DPP4: variants seen among roughly 807,000 people sequenced by gnomAD.
The protein encoded by DPP4 is ADCP-2.
A neutral mutation model predicts 122.4 loss-of-function variants in DPP4; 93 were observed. The ratio of observed to expected loss-of-function variants is 0.76; its 90% CI spans 0.64 to 0.90. The LOEUF (loss-of-function observed/expected upper bound fraction) is 0.90, where lower values mean the gene tolerates loss of function less well. DPP4 is among the 40% of genes least tolerant of loss of function. The pLI is 0.00. For missense variants in DPP4, 914 were observed against 907.3 expected, an observed-to-expected ratio of 1.01 and a Z score of -0.09; for synonymous variants, 321 against 302.9, an observed-to-expected ratio of 1.06 and a Z score of -0.62.
chr2:162,019,595 AC>A (rs1683048055), intron 14 of DPP4, among the ~76,000 whole-genome samples: 1 of 151,318 alleles, frequency 6.6e-6, no homozygotes, highest in Non-Finnish European at 1.5e-5. Context: ...TGAAATTGAG[AC>A]CCCACTCATT....
intron 7 of DPP4, 51 bp downstream of exon 7, chr2:162,038,898 T>C (rs764395941): frequency 1.3e-6 from 2 of 1,528,042 alleles, no homozygotes; most frequent in African/African-American, 1.4e-5. Context: ...AACTTCTGCC[T>C]ATGAAAAATT....
At chr2:162,020,105 A>C (rs1683067295) in intron 14 of DPP4, 124 bp downstream of exon 14, 5 of 791,454 alleles carry the variant, frequency 6.3e-6, no homozygotes, top group Non-Finnish European at 1.0e-5. Context: ...AAAAGAAAAA[A>C]AGTATTGAAC....
intron 2 of DPP4, among the ~76,000 whole-genome samples, chr2:162,069,214 G>C (rs149451706): frequency 1.1e-3 from 169 of 152,276 alleles, no homozygotes; most frequent in African/African-American, 3.8e-3. Context: ...TCAAAGAGTT[G>C]TTCTAAGGAT....
At chr2:162,041,069 CAG>C (rs34315066) in intron 5 of DPP4, among the ~76,000 whole-genome samples, 49,219 of 151,456 alleles carry the variant, frequency 0.32, 8,441 homozygotes, top group East Asian at 0.65. Flanking sequence ...TATATATTTT[CAG>C]AGTTATATGA....
At chr2:162,034,498 A>T (rs569017407) in intron 9 of DPP4, among the ~76,000 whole-genome samples, 1 of 152,142 alleles carries the variant, frequency 6.6e-6, no homozygotes, top group Non-Finnish European at 1.5e-5. Context: ...CAGAAAAAAC[A>T]CTTTACTATT....
In DPP4 at chr2:162,016,869, A is replaced by G; in HGVS notation, c.1469-3T>C. Reference sequence around the variant, plus strand: ...ATTGTCTTCCAGGACTCTCAGCCCTAAAGAAATACAGGAGACAGCAGTCAT... The same window carrying G: ...ATTGTCTTCCAGGACTCTCAGCCCTGAAGAAATACAGGAGACAGCAGTCAT... On this transcript the variant is annotated splice_polypyrimidine_tract_variant and splice_region_variant and intron_variant, in intron 17 of 25. Coordinates refer to ENST00000360534, the MANE Select transcript of DPP4 (RefSeq NM_001935.4). The G allele has an allele frequency of 1.2e-6, 2 of 1,608,250 alleles. No individual in the cohort carries two copies. Among genetic ancestry groups the G allele is most frequent in the Non-Finnish European group, 1.7e-6 (2 of 1,178,094 alleles).
At chr2:162,020,780 G>A (rs746862830) in intron 12 of DPP4, 92 bp from the exon 13 acceptor site, 3 of 747,378 alleles carry the variant, frequency 4.0e-6, no homozygotes, top group Non-Finnish European at 6.2e-6. Flanking sequence ...CAATACCTAC[G>A]CTCAAAAATC....
At chr2:162,023,142 C>T (rs1273365266) in intron 11 of DPP4, among the ~76,000 whole-genome samples, 1 of 152,130 alleles carries the variant, frequency 6.6e-6, no homozygotes, top group African/African-American at 2.4e-5. Context: ...AAGCCAGAGA[C>T]CTGGGGGTCA....
At position 162,020,297 on chromosome 2, in the gene DPP4, C is replaced by CCTG; in HGVS notation, c.1177-2_1177-1insCAG. 1 of 1,523,544 alleles carries CCTG rather than the reference C, an allele frequency of 6.6e-7. No individual in the cohort carries two copies. The highest frequency in any genetic ancestry group is 1.2e-5 in the South Asian group (1 of 82,586). 94.4% of individuals were successfully genotyped at this position (1,523,544 alleles called of 1,614,324 possible). A position where few individuals can be genotyped will look rare whatever the true frequency, so the allele number is the denominator to read the frequency against. ...TGCCTTTTGTAATAAATGTGCAGTC[C>CCTG]TGATGGTTTTTTTTTTTTTTCAAAA... On this transcript the variant is annotated splice_acceptor_variant, in intron 13 of 25. Transcript: ENST00000360534. LOFTEE classifies it high-confidence loss of function.
intron 5 of DPP4, 66 bp from the exon 6 acceptor site, chr2:162,039,250 G>T: frequency 7.9e-7 from 1 of 1,271,886 alleles, no homozygotes; most frequent in Non-Finnish European, 1.1e-6. Context: ...CACTATAGGA[G>T]ACCAAGATGA....
chr2:161,998,954 T>C (rs1488490410), intron 23 of DPP4, among the ~76,000 whole-genome samples: 3 of 152,118 alleles, frequency 2.0e-5, no homozygotes, highest in South Asian at 4.1e-4. Context: ...AACAAAAGCT[T>C]CCCCTGCAAC....
chr2:162,073,742 C>A, intron 1 of DPP4: 1 of 708,454 alleles, frequency 1.4e-6, no homozygotes, highest in Non-Finnish European at 2.4e-6. Context: ...GGCGTGCGTT[C>A]TGTGAGTGGC....
In DPP4 at chr2:162,046,573, G is replaced by A. The variant is rs191476241; in HGVS notation, c.285+342C>T. On this transcript the variant is annotated intron_variant, in intron 4 of 25. Coordinates refer to ENST00000360534, the MANE Select transcript of DPP4 (RefSeq NM_001935.4). ...AAATCTGGGAGAAGGTTAGCGTTAA[G>A]TGTGTGTATACGAGAGTCAAGCCAG... The A allele has an allele frequency of 2.3e-3, 882 of 391,656 alleles. 2 individuals are homozygous for A. The highest frequency in any genetic ancestry group is 3.0e-3 in the Non-Finnish European group (611 of 200,984). 24.3% of individuals were successfully genotyped at this position (391,656 alleles called of 1,614,324 possible). A position where few individuals can be genotyped will look rare whatever the true frequency, so the allele number is the denominator to read the frequency against.
At chr2:162,015,078 G>C (rs1025490284) in intron 18 of DPP4, among the ~76,000 whole-genome samples, 1 of 152,128 alleles carries the variant, frequency 6.6e-6, no homozygotes, top group Non-Finnish European at 1.5e-5. Context: ...TTTAACATCA[G>C]TTTAATAAAA....
chr2:162,054,091 C>T (rs1314475199), intron 2 of DPP4, among the ~76,000 whole-genome samples: 1 of 152,184 alleles, frequency 6.6e-6, no homozygotes, highest in East Asian at 1.9e-4. Context: ...ATGTCTGAAA[C>T]ATGGGACATG....
chr2:162,020,595 G>A lies in DPP4; in HGVS notation c.1162C>T (p.Gln388Ter). 6.2e-7 allele frequency: 1 copy of A among 1,603,130 alleles called. No homozygotes were observed. Among genetic ancestry groups the A allele is most frequent in the Non-Finnish European group, 8.5e-7 (1 of 1,176,452 alleles). ...AGAATACTCACTTTTTTATCTATTTGGAAATAGCAAATGTGTCTGTAACCT... is the reference window on the plus strand; with the variant it reads ...AGAATACTCACTTTTTTATCTATTTAGAAATAGCAAATGTGTCTGTAACCT... ...EEGYRHICYF[Q>*]IDKKDCTFIT... Residue 388 changes from glutamine (Q) to a stop codon, truncating the protein, a stop_gained, in exon 13 of 26, where the codon CAA becomes TAA. Transcript: ENST00000360534. LOFTEE classifies it high-confidence loss of function.
chr2:162,030,103 A>G lies in DPP4; in HGVS notation c.887+3438T>C, dbSNP rs1683489194. On this transcript the variant is annotated intron_variant, in intron 10 of 25. Transcript: ENST00000360534. ...CGTAGAACCTGTCTTACTTCAGTCA[A>G]CAATGAATGTACTGCTCTAGATAAA... 1.3e-5 allele frequency among the ~76,000 whole-genome samples: 2 copies of G among 152,258 alleles called. 1 individual carries two copies. Among genetic ancestry groups the G allele is most frequent in the Admixed American group, 1.3e-4 (2 of 15,290 alleles).
intron 10 of DPP4, among the ~76,000 whole-genome samples, chr2:162,030,707 G>A (rs1683516869): frequency 6.6e-6 from 1 of 152,166 alleles, no homozygotes; most frequent in African/African-American, 2.4e-5. Context: ...AACCTTACCA[G>A]TGTTAACAGA....
intron 10 of DPP4, chr2:162,032,371 C>T (rs1017239449): frequency 1.3e-5 from 2 of 152,176 alleles, no homozygotes; most frequent in Non-Finnish European, 2.9e-5. Flanking sequence ...GGTGAGTACT[C>T]AATGTATGCT....
Sources: allele counts gnomAD v4.1 joint callset (sites outside exome capture counted in the v4.1 genomes callset), GRCh38; gene constraint gnomAD v4.1.1; transcripts MANE v1.5; gene names NCBI Gene and HGNC (gene_info 2026-07-23, HGNC 2026-07-21).